Variants in ELMOD2 observed in about 807,000 individuals in gnomAD.
ELMOD2 encodes ELMO domain-containing protein 2.
ELMOD2 carries 28 observed loss-of-function variants against 41.0 expected under a neutral mutation model. The observed-to-expected ratio is 0.68, with a 90% CI of 0.51 to 0.94. The LOEUF (loss-of-function observed/expected upper bound fraction) is 0.94, where lower values mean the gene tolerates loss of function less well. ELMOD2 is among the 40% of genes least tolerant of loss of function. The pLI is 0.00. For missense variants in ELMOD2, 333 were observed against 343.1 expected, an observed-to-expected ratio of 0.97 and a Z score of 0.23; for synonymous variants, 106 against 107.2, an observed-to-expected ratio of 0.99 and a Z score of 0.07.
chr4:140,541,991 T>C (rs182449132), intron 6 of ELMOD2, among the ~76,000 whole-genome samples: 2 of 152,150 alleles, frequency 1.3e-5, no homozygotes. Flanking sequence ...TAAGGTTAAA[T>C]AGATTTGGTG....
At position 140,553,508 on chromosome 4, in the gene ELMOD2, A is replaced by G. The variant is rs1158320343; in HGVS notation, c.*3133A>G. On this transcript the variant is annotated 3_prime_UTR_variant, in exon 9 of 9. Coordinates refer to ENST00000323570, the MANE Select transcript of ELMOD2 (RefSeq NM_153702.4). Reference sequence around the variant, plus strand: ...GGAGGTGTTTGGGGTTTTTTTCTGTATTCATTTTTTAATGAGAAAAGTTTT... The same window carrying G: ...GGAGGTGTTTGGGGTTTTTTTCTGTGTTCATTTTTTAATGAGAAAAGTTTT... The G allele has an allele frequency of 6.6e-6, 1 of 152,048 alleles. No individual in the cohort carries two copies. The highest frequency in any genetic ancestry group is 2.4e-5 in the African/African-American group (1 of 41,402). 9.4% of individuals were successfully genotyped at this position (152,048 alleles called of 1,614,324 possible).
intron 3 of ELMOD2, among the ~76,000 whole-genome samples, chr4:140,529,075 A>G (rs7678311): frequency 0.086 from 13,073 of 152,264 alleles, 571 homozygotes; most frequent in South Asian, 0.11. Context: ...GGAAGAATCA[A>G]AATCTTCTGG....
At chr4:140,531,786 C>T (rs1261671762) in intron 3 of ELMOD2, among the ~76,000 whole-genome samples, 5 of 152,034 alleles carry the variant, frequency 3.3e-5, no homozygotes, top group Admixed American at 2.6e-4. Flanking sequence ...ACAAAATGGA[C>T]GAAGTCCTTG....
At chr4:140,542,756 A>T in intron 7 of ELMOD2, 114 bp downstream of exon 7, 1 of 819,800 alleles carries the variant, frequency 1.2e-6, no homozygotes, top group Non-Finnish European at 1.8e-6. Flanking sequence ...TTTAATAAGA[A>T]CTTTTTAAAG....
chr4:140,549,680 T>A (rs1369154600), intron 8 of ELMOD2, among the ~76,000 whole-genome samples: 3 of 93,058 alleles, frequency 3.2e-5, no homozygotes, highest in African/African-American at 8.1e-5. Context: ...AAGTACTACA[T>A]CTTTTTTTTT....
intron 3 of ELMOD2, among the ~76,000 whole-genome samples, chr4:140,534,175 AATTGAGGTAT>A (rs1353738537): frequency 6.6e-6 from 1 of 152,214 alleles, no homozygotes; most frequent in African/African-American, 2.4e-5. Context: ...TGAATAAGCA[AATTGAGGTAT>A]ATTCATGCAA....
intron 5 of ELMOD2, among the ~76,000 whole-genome samples, chr4:140,538,271 G>T (rs1008182944): frequency 6.6e-6 from 1 of 152,208 alleles, no homozygotes; most frequent in African/African-American, 2.4e-5. Context: ...TGAATCTCCT[G>T]CCCATCCTCT....
chr4:140,544,717 A>G (rs1306629915), intron 8 of ELMOD2, among the ~76,000 whole-genome samples: 1 of 152,022 alleles, frequency 6.6e-6, no homozygotes, highest in African/African-American at 2.4e-5. Context: ...GCTCAAATAT[A>G]TTATGCTCTC....
intron 6 of ELMOD2, among the ~76,000 whole-genome samples, chr4:140,541,498 A>T (rs947768704): frequency 1.1e-4 from 16 of 152,150 alleles, no homozygotes; most frequent in African/African-American, 3.9e-4. Flanking sequence ...ATGAAATATA[A>T]ATAGTCAACT....
At chr4:140,542,476 T>C (rs1735137491) in intron 6 of ELMOD2, 98 bp from the exon 7 acceptor site, 4 of 821,822 alleles carry the variant, frequency 4.9e-6, no homozygotes, top group Non-Finnish European at 7.7e-6. Flanking sequence ...ATGGCAATAC[T>C]AGGACTATGA....
chr4:140,546,127 A>G (rs939233360), intron 8 of ELMOD2, among the ~76,000 whole-genome samples: 9 of 152,210 alleles, frequency 5.9e-5, no homozygotes, highest in Non-Finnish European at 1.3e-4. Flanking sequence ...AAAATGTGGC[A>G]CATATACACC....
chr4:140,540,098 A>G, intron 5 of ELMOD2, 70 bp from the exon 6 acceptor site: 2 of 1,518,508 alleles, frequency 1.3e-6, no homozygotes, highest in Non-Finnish European at 8.9e-7. Flanking sequence ...AAGTTATTTG[A>G]TAGCATTAAA....
At position 140,550,621 on chromosome 4, in the gene ELMOD2, A is replaced by G; in HGVS notation, c.*246A>G. ...TAGAGTCATGCGAACTACAGTTTGG[A>G]ACTTGGGACTTAGCCCGTTGGTGTA... is the stretch of plus-strand genomic sequence containing the variant. On this transcript the variant is annotated 3_prime_UTR_variant, in exon 9 of 9. Coordinates refer to ENST00000323570, the MANE Select transcript of ELMOD2 (RefSeq NM_153702.4). The G allele has an allele frequency of 3.8e-6, 1 of 260,290 alleles. No individual in the cohort carries two copies. Among genetic ancestry groups the G allele is most frequent in the South Asian group, 9.3e-5 (1 of 10,790 alleles). 16.1% of individuals were successfully genotyped at this position (260,290 alleles called of 1,614,324 possible).
intron 2 of ELMOD2, chr4:140,526,901 A>G (rs1424028448): frequency 6.6e-6 from 1 of 152,338 alleles, no homozygotes; most frequent in Non-Finnish European, 1.5e-5. Context: ...AGAAAAGATT[A>G]TTCGTAAATG....
chr4:140,536,695 A>G (rs767774113), intron 4 of ELMOD2, among the ~76,000 whole-genome samples: 13 of 152,186 alleles, frequency 8.5e-5, no homozygotes, highest in Non-Finnish European at 1.3e-4. Context: ...GTTTTTAAGC[A>G]AACAAGCTAC....
chr4:140,532,166 GTT>G (rs56301474), intron 3 of ELMOD2, among the ~76,000 whole-genome samples: 7 of 137,572 alleles, frequency 5.1e-5, no homozygotes, highest in Admixed American at 2.2e-4. Flanking sequence ...ATGTTGAGTT[GTT>G]TTTTTTTTTT....
chr4:140,550,067 A>G (rs1462540883), intron 8 of ELMOD2, among the ~76,000 whole-genome samples, 163 bp from the exon 9 acceptor site: 1 of 152,166 alleles, frequency 6.6e-6, no homozygotes, highest in Non-Finnish European at 1.5e-5. Flanking sequence ...TCGTTTATTA[A>G]GTCTTATTAA....
chr4:140,538,312 TAAAGAA>T (rs1734995183), intron 5 of ELMOD2, among the ~76,000 whole-genome samples: 2 of 152,312 alleles, frequency 1.3e-5, no homozygotes, highest in African/African-American at 4.8e-5. Context: ...TTAAAATCGT[TAAAGAA>T]AATAGCGCAT....
At chr4:140,527,338 A>G (rs528047205) in intron 2 of ELMOD2, 128 bp from the exon 3 acceptor site, 2 of 777,098 alleles carry the variant, frequency 2.6e-6, no homozygotes, top group East Asian at 2.6e-5. Flanking sequence ...TTCCTGTTAT[A>G]TAGAAATTAT....
Sources: allele counts gnomAD v4.1 joint callset (sites outside exome capture counted in the v4.1 genomes callset), GRCh38; gene constraint gnomAD v4.1.1; transcripts MANE v1.5; gene names NCBI Gene and HGNC (gene_info 2026-07-23, HGNC 2026-07-21).